The following TBL2 variants were observed in gnomAD, a reference collection of about 807,000 sequenced individuals.
TBL2 encodes the protein transducin beta like 2.
Under a neutral mutation model 41.8 loss-of-function variants are expected in TBL2, and 33 were observed. That is an observed-to-expected ratio of 0.79 (90% CI 0.60 to 1.06). The LOEUF is 1.06. TBL2 is among the 50% of genes least tolerant of loss of function. TBL2 has a pLI of 0.00. For synonymous variants in TBL2, 239 were observed against 241.7 expected (o/e 0.99, Z 0.10); for missense variants, 522 against 603.8 (o/e 0.86, Z 1.42).
chr7:73,572,251 CCAGCCTGGG>C (rs1793007664), intron 5 of TBL2, among the ~76,000 whole-genome samples: 2 of 152,032 alleles, frequency 1.3e-5, no homozygotes, highest in East Asian at 3.9e-4. Context: ...GAGTTCAGGA[CCAGCCTGGG>C]CAACATAGTA....
In TBL2 at chr7:73,568,079, C is replaced by T. The variant is rs1792716627; in HGVS notation, c.*2428G>A. Among the ~76,000 whole-genome samples, 1 of 152,152 alleles carries T rather than the reference C, an allele frequency of 6.6e-6. No individual in the cohort carries two copies. ...TCAGGCCTTGTGTGCACAGCATTGC[C>T]AAAAGTCTGTGGTTAGGAACATACA... On this transcript the variant is annotated 3_prime_UTR_variant, in exon 7 of 7. Coordinates refer to ENST00000305632, the MANE Select transcript of TBL2 (RefSeq NM_012453.4).
chr7:73,573,777 G>C lies in TBL2; in HGVS notation c.446+161C>G, dbSNP rs985685727. The C allele has an allele frequency of 1.8e-5, 16 of 891,056 alleles. No individual in the cohort carries two copies. The Admixed American group carries it at 2.6e-4, about 14-fold the overall frequency. The allele number at this position is 891,056 out of a possible 1,614,324, so 55.2% of individuals were successfully genotyped here. A position where few individuals can be genotyped will look rare whatever the true frequency, so the allele number is the denominator to read the frequency against. On this transcript the variant is annotated intron_variant, in intron 3 of 6. Coordinates refer to ENST00000305632, the MANE Select transcript of TBL2 (RefSeq NM_012453.4). ...TGCTGTATAGCAGCCCAGATCTCCA[G>C]GGAGCCCCAGGCAGCGCGCAAACTA... is the stretch of plus-strand genomic sequence containing the variant.
rs1793130446 is a variant in TBL2, at chr7:73,573,951, T to C, written c.433A>G (p.Ser145Gly). The stretch of plus-strand genomic sequence containing the variant: ...GTCTTGTCCCACCTGCAGTCAGGGC[T>C]GAAGCGCACCAGGGTGGCGTGGTCC... ...ELDHATLVRF[S>G]PDCRAFIVWL... Residue 145 changes from serine to glycine, a missense_variant, in exon 3 of 7, where the codon AGC becomes GGC. Physicochemically the swap from Ser to Gly is moderately conservative, Grantham distance 56. Transcript: ENST00000305632. The C allele has an allele frequency of 1.9e-6, 3 of 1,613,608 alleles. No homozygotes were observed. The highest frequency in any genetic ancestry group is 2.5e-6 in the Non-Finnish European group (3 of 1,179,990).
At position 73,578,564 on chromosome 7, in the gene TBL2, T is replaced by G. The variant is rs782124941; in HGVS notation, c.-15A>C. ...GAGAGCTCCATGTTGGTGGAACCAC[T>G]GCCACCTCAGCTAGTGAGTACGCGG... is the stretch of plus-strand genomic sequence containing the variant. On this transcript the variant is annotated 5_prime_UTR_variant, in exon 1 of 7. Transcript: ENST00000305632. 1.8e-5 allele frequency: 27 copies of G among 1,501,802 alleles called. No individual in the cohort carries two copies. The highest frequency in any genetic ancestry group is 2.2e-5 in the Non-Finnish European group (25 of 1,117,524). The allele number at this position is 1,501,802 out of a possible 1,614,324, so 93.0% of individuals were successfully genotyped here.
chr7:73,568,267 G>A lies in TBL2; in HGVS notation c.*2240C>T, dbSNP rs1210727556. On this transcript the variant is annotated 3_prime_UTR_variant, in exon 7 of 7. Coordinates refer to ENST00000305632, the MANE Select transcript of TBL2 (RefSeq NM_012453.4). ...GGATGGTCCAGGAGTCTGCCCGGTGGTGCTCTCATTCCAGTGGGTTCAACA... is the reference window on the plus strand; with the variant it reads ...GGATGGTCCAGGAGTCTGCCCGGTGATGCTCTCATTCCAGTGGGTTCAACA... 2.0e-5 allele frequency among the ~76,000 whole-genome samples: 3 copies of A among 152,138 alleles called. No homozygotes were observed. The highest frequency in any genetic ancestry group is 4.4e-5 in the Non-Finnish European group (3 of 68,014).
chr7:73,567,714 G>A lies in TBL2; in HGVS notation c.*2793C>T, dbSNP rs1440659333. On this transcript the variant is annotated 3_prime_UTR_variant, in exon 7 of 7. Transcript: ENST00000305632. ...AGACACCTTCTCTGTGGTTACAAGA[G>A]AAGCTTGAGTGAGGGCACTTTCTGT... Among the ~76,000 whole-genome samples the A allele has an allele frequency of 1.3e-5, 2 of 152,156 alleles. No homozygotes were observed. The highest frequency in any genetic ancestry group is 1.9e-4 in the East Asian group (1 of 5,198).
chr7:73,571,112 C>A, intron 6 of TBL2, 77 bp downstream of exon 6: 1 of 1,602,210 alleles, frequency 6.2e-7, no homozygotes, highest in Non-Finnish European at 8.5e-7. Flanking sequence ...AGAGCCATGG[C>A]ACAAACAGAC....
rs782186258 is a variant in TBL2 at position 73,570,982 on chromosome 7, A to C, written c.879-10T>G. The C allele has an allele frequency of 6.3e-7, 1 of 1,588,344 alleles. No homozygotes were observed. The highest frequency in any genetic ancestry group is 8.6e-7 in the Non-Finnish European group (1 of 1,166,000). On this transcript the variant is annotated splice_polypyrimidine_tract_variant and intron_variant, in intron 6 of 6. Coordinates refer to ENST00000305632, the MANE Select transcript of TBL2 (RefSeq NM_012453.4). Reference sequence around the variant, plus strand: ...GGAGACAGAAGCCATCCTGCAACACAGAAAATCACAGCTCAAGCCCCAACA... The same window carrying C: ...GGAGACAGAAGCCATCCTGCAACACCGAAAATCACAGCTCAAGCCCCAACA...
chr7:73,570,830 G>A lies in TBL2; in HGVS notation c.1021C>T (p.Pro341Ser), dbSNP rs1792890190. 5 of 1,613,822 alleles carry A rather than the reference G, an allele frequency of 3.1e-6. No homozygotes were observed. The highest frequency in any genetic ancestry group is 1.7e-5 in the Admixed American group (1 of 60,016). ...GCCAAGGCCAAGACCTGGGCGTTGGGGGAGAGGGCCAGGCGGCACGGCGCG... is the reference window on the plus strand; with the variant it reads ...GCCAAGGCCAAGACCTGGGCGTTGGAGGAGAGGGCCAGGCGGCACGGCGCG... Reference protein sequence around the residue: ...GAAPCRLALSPNAQVLALASG... With the variant: ...GAAPCRLALSSNAQVLALASG... The change falls in exon 7 of 7, where the codon CCC (proline) becomes TCC (serine). Residue 341 changes from proline to serine, a missense_variant. Pro to Ser is a moderately conservative substitution (Grantham distance 74, BLOSUM62 -1). Transcript: ENST00000305632.
At position 73,574,569 on chromosome 7, in the gene TBL2, C is replaced by T. The variant is rs541987366; in HGVS notation, c.131-56G>A. On this transcript the variant is annotated intron_variant, in intron 1 of 6. Coordinates refer to ENST00000305632, the MANE Select transcript of TBL2 (RefSeq NM_012453.4). ...TACTCACTGATAAGCATTTACTGCC[C>T]ACCTATGATGAGCCAGGCATTGAGT... is the stretch of plus-strand genomic sequence containing the variant. 1.2e-5 allele frequency: 19 copies of T among 1,612,166 alleles called. No homozygotes were observed. The South Asian group carries it at 1.7e-4, about 14-fold the overall frequency.
Position 73,570,781 on chromosome 7 carries a change from T to C in TBL2, c.1070A>G (p.Tyr357Cys). ...CTCCTTCTCGCCCCGCCGGGTATTGTAGAGATGAATACTACTGCCACTGGC... is the reference window on the plus strand; with the variant it reads ...CTCCTTCTCGCCCCGCCGGGTATTGCAGAGATGAATACTACTGCCACTGGC... ...ALASGSSIHLYNTRRGEKEEC... is the reference protein window; with the variant it reads ...ALASGSSIHLCNTRRGEKEEC... Residue 357 changes from tyrosine to cysteine, a missense_variant, in exon 7 of 7, where the codon TAC becomes TGC. Transcript: ENST00000305632. The C allele has an allele frequency of 1.2e-6, 2 of 1,614,142 alleles. No individual in the cohort carries two copies. The highest frequency in any genetic ancestry group is 1.7e-6 in the Non-Finnish European group (2 of 1,180,046).
At chr7:73,578,303 G>C in intron 1 of TBL2, 117 bp downstream of exon 1, 1 of 1,535,246 alleles carries the variant, frequency 6.5e-7, no homozygotes. Flanking sequence ...AGGAGAAACT[G>C]AGGCCCATGG....
intron 1 of TBL2, 192 bp from the exon 2 acceptor site, chr7:73,574,705 A>G: frequency 2.8e-6 from 2 of 710,046 alleles, no homozygotes; most frequent in Non-Finnish European, 4.7e-6. Context: ...TCATGCCTGT[A>G]ATCCCAATGC....
In TBL2 at chr7:73,572,937, G is replaced by C. The variant is rs782065497; in HGVS notation, c.632C>G (p.Thr211Ser). ...ACCCTTCAGGCTCCAGATGAGGACA[G>C]TGGTGTCACTGGAGGCAGTCATGAT... The part of the protein sequence containing the change: ...KFIMTASSDT[T>S]VLIWSLKGQV... Residue 211 changes from threonine to serine, a missense_variant, in exon 5 of 7, where the codon ACT becomes AGT. Thr to Ser is a moderately conservative substitution (Grantham distance 58, BLOSUM62 1). Transcript: ENST00000305632. 1 of 1,614,212 alleles carries C rather than the reference G, an allele frequency of 6.2e-7. No individual in the cohort carries two copies. Among genetic ancestry groups the C allele is most frequent in the South Asian group, 1.1e-5 (1 of 91,090 alleles).
Position 73,570,812 on chromosome 7 carries a change from C to A in TBL2, c.1039G>T (p.Ala347Ser). The change falls in exon 7 of 7, where the codon GCC (alanine) becomes TCC (serine). Residue 347 changes from alanine (A) to serine (S), a missense_variant. By Grantham distance (99) the Ala-to-Ser change is moderately conservative (BLOSUM62 1). Transcript: ENST00000305632. ...TGAATACTACTGCCACTGGCCAAGGCCAAGACCTGGGCGTTGGGGGAGAGG... is the reference window on the plus strand; with the variant it reads ...TGAATACTACTGCCACTGGCCAAGGACAAGACCTGGGCGTTGGGGGAGAGG... ...LALSPNAQVL[A>S]LASGSSIHLY... is the part of the protein sequence containing the mutation. 6.2e-7 allele frequency: 1 copy of A among 1,614,028 alleles called. No individual in the cohort carries two copies. Among genetic ancestry groups the A allele is most frequent in the South Asian group, 1.1e-5 (1 of 91,092 alleles).
intron 1 of TBL2, among the ~76,000 whole-genome samples, chr7:73,577,496 C>G (rs1793411772): frequency 6.6e-6 from 1 of 152,146 alleles, no homozygotes; most frequent in South Asian, 2.1e-4. Context: ...ATCGCTTGAA[C>G]CTGGCAGGCG....
rs1376834972 is a variant in TBL2, at chr7:73,568,909, A to G, written c.*1598T>C. ...GCCATTGTACTCCAGCCTGGGTGACAAGAGATTGTCAGAAAAAAAAAATTG... is the reference window on the plus strand; with the variant it reads ...GCCATTGTACTCCAGCCTGGGTGACGAGAGATTGTCAGAAAAAAAAAATTG... On this transcript the variant is annotated 3_prime_UTR_variant, in exon 7 of 7. Transcript: ENST00000305632. The G allele has an allele frequency of 1.3e-5, 2 of 152,148 alleles. No individual in the cohort carries two copies. Among genetic ancestry groups the G allele is most frequent in the African/African-American group, 4.8e-5 (2 of 41,420 alleles). The allele number at this position is 152,148 out of a possible 1,614,324, so 9.4% of individuals were successfully genotyped here.
Position 73,570,439 on chromosome 7 carries a change from G to T in TBL2, c.*68C>A. The T allele has an allele frequency of 7.0e-7, 1 of 1,433,088 alleles. No homozygotes were observed. Among genetic ancestry groups the T allele is most frequent in the Non-Finnish European group, 9.1e-7 (1 of 1,097,106 alleles). The allele number at this position is 1,433,088 out of a possible 1,614,324, so 88.8% of individuals were successfully genotyped here. A position where few individuals can be genotyped will look rare whatever the true frequency, so the allele number is the denominator to read the frequency against. ...TGAAAGGCTTCCACCTGGGAGGAAA[G>T]ATGGCAGCAGTGCCATGAGGAGGCC... On this transcript the variant is annotated 3_prime_UTR_variant, in exon 7 of 7. Coordinates refer to ENST00000305632, the MANE Select transcript of TBL2 (RefSeq NM_012453.4).
chr7:73,570,243 C>T lies in TBL2; in HGVS notation c.*264G>A. The T allele has an allele frequency of 2.2e-6, 1 of 454,024 alleles. No individual in the cohort carries two copies. 28.1% of individuals were successfully genotyped at this position (454,024 alleles called of 1,614,324 possible). The stretch of plus-strand genomic sequence containing the variant: ...CTCCTCTCCTCTCTACCATTCTCCT[C>T]AGTGCCAGGTGGGGACAGATTCCAC... On this transcript the variant is annotated 3_prime_UTR_variant, in exon 7 of 7. Transcript: ENST00000305632.
Sources: gnomAD v4.1 joint callset for allele counts (sites outside exome capture counted in the v4.1 genomes callset) on GRCh38, gnomAD v4.1.1 for gene constraint, MANE v1.5 for transcripts, NCBI Gene and HGNC (gene_info 2026-07-23, HGNC 2026-07-21) for gene names.